MAML2: variants seen among roughly 807,000 people sequenced by gnomAD.
MAML2 encodes the protein mastermind like transcriptional coactivator 2.
In MAML2, 22 loss-of-function variants were observed where a neutral mutation model predicts 96.1. The observed-to-expected ratio is 0.23, with a 90% CI of 0.16 to 0.33. MAML2 has a LOEUF of 0.33. Ranked by LOEUF, MAML2 falls within the 10% of genes least tolerant of loss-of-function variation. The pLI, the probability that MAML2 is intolerant of heterozygous loss-of-function variation, is 1.00. For synonymous variants in MAML2, 561 were observed against 521.3 expected (o/e 1.08, Z -1.04); for missense variants, 1,367 against 1,392.4 (o/e 0.98, Z 0.29).
chr11:96,003,035 A>C (rs1211367132), intron 2 of MAML2, among the ~76,000 whole-genome samples: 1 of 147,376 alleles, frequency 6.8e-6, no homozygotes, highest in African/African-American at 2.5e-5. Context: ...GATGGGGATG[A>C]GGAGGATGAT....
chr11:96,339,690 T>C (rs1863966523), intron 1 of MAML2, among the ~76,000 whole-genome samples: 2 of 152,176 alleles, frequency 1.3e-5, no homozygotes, highest in African/African-American at 4.8e-5. Flanking sequence ...GCAGACAGAT[T>C]ATAAATTTAC....
chr11:96,227,799 G>C (rs909460968), intron 1 of MAML2, among the ~76,000 whole-genome samples: 1 of 152,160 alleles, frequency 6.6e-6, no homozygotes, highest in East Asian at 1.9e-4. Flanking sequence ...TGTCGCCATC[G>C]AATGAAATCA....
At chr11:96,234,848 T>C (rs1412697266) in intron 1 of MAML2, among the ~76,000 whole-genome samples, 1 of 152,218 alleles carries the variant, frequency 6.6e-6, no homozygotes, top group Admixed American at 6.5e-5. Flanking sequence ...GATACGTACT[T>C]AAATTTTTTA....
At chr11:96,231,618 C>T (rs948047793) in intron 1 of MAML2, among the ~76,000 whole-genome samples, 11 of 152,054 alleles carry the variant, frequency 7.2e-5, no homozygotes, top group Non-Finnish European at 1.3e-4. Flanking sequence ...TGGAAACTGC[C>T]GACTATATTT....
chr11:96,267,301 T>G (rs754421829), intron 1 of MAML2, among the ~76,000 whole-genome samples: 19 of 152,230 alleles, frequency 1.2e-4, no homozygotes, highest in Non-Finnish European at 2.8e-4. Context: ...TCCCACATAT[T>G]AAGACTGTGA....
intron 1 of MAML2, among the ~76,000 whole-genome samples, chr11:96,228,823 T>G (rs2135953083): frequency 6.6e-6 from 1 of 152,346 alleles, no homozygotes; most frequent in East Asian, 1.9e-4. Flanking sequence ...CTAGACTTCA[T>G]AAGCAATTTT....
chr11:96,171,716 G>A lies in MAML2; in HGVS notation c.514-78199C>T, dbSNP rs1394367941. Among the ~76,000 whole-genome samples the A allele has an allele frequency of 2.0e-5, 3 of 152,212 alleles. No homozygotes were observed. In the East Asian group the frequency reaches 5.8e-4, roughly 29 times the overall value. On this transcript the variant is annotated intron_variant, in intron 1 of 4. Coordinates refer to ENST00000524717, the MANE Select transcript of MAML2 (RefSeq NM_032427.4). ...GCCAAATCAGAGCTGGAGACAGGGTGATAGTAGAAACCAAATAATGAATGG... is the reference window on the plus strand; with the variant it reads ...GCCAAATCAGAGCTGGAGACAGGGTAATAGTAGAAACCAAATAATGAATGG...
chr11:96,243,557 G>A (rs1393846055), intron 1 of MAML2, among the ~76,000 whole-genome samples: 2 of 152,184 alleles, frequency 1.3e-5, no homozygotes, highest in East Asian at 1.9e-4. Context: ...TTCTCATCAG[G>A]CTTAGACTGT....
At chr11:96,088,151 A>G (rs1859648335) in intron 2 of MAML2, among the ~76,000 whole-genome samples, 1 of 152,180 alleles carries the variant, frequency 6.6e-6, no homozygotes, top group Non-Finnish European at 1.5e-5. Flanking sequence ...TTGGCTAGGA[A>G]GAGAGAGTAG....
Position 96,312,607 on chromosome 11 carries a change from G to A in MAML2, c.513+28776C>T, listed in dbSNP as rs186820193. Among the ~76,000 whole-genome samples, 4 of 152,252 alleles carry A rather than the reference G, an allele frequency of 2.6e-5. No homozygotes were observed. The East Asian group carries it at 7.7e-4, about 29-fold the overall frequency. On this transcript the variant is annotated intron_variant, in intron 1 of 4. Coordinates refer to ENST00000524717, the MANE Select transcript of MAML2 (RefSeq NM_032427.4). Reference sequence around the variant, plus strand: ...ATATGCTAAACTGAATTTCCCTCTAGGAAGTATGAGGCAGAGCACAGAAAG... The same window carrying A: ...ATATGCTAAACTGAATTTCCCTCTAAGAAGTATGAGGCAGAGCACAGAAAG...
intron 1 of MAML2, among the ~76,000 whole-genome samples, chr11:96,319,329 C>G (rs768423196): frequency 7.2e-5 from 11 of 152,172 alleles, no homozygotes; most frequent in Non-Finnish European, 1.3e-4. Context: ...TAGTACCACC[C>G]AACTAAGCAG....
intron 1 of MAML2, among the ~76,000 whole-genome samples, chr11:96,207,260 T>C (rs1019042172): frequency 5.3e-5 from 8 of 152,216 alleles, no homozygotes; most frequent in African/African-American, 1.7e-4. Context: ...ATTTTAATTA[T>C]TCACTGGCCC....
At chr11:96,115,331 G>A (rs1860215885) in intron 1 of MAML2, among the ~76,000 whole-genome samples, 1 of 151,766 alleles carries the variant, frequency 6.6e-6, no homozygotes, top group African/African-American at 2.4e-5. Flanking sequence ...GCTTGGCTAT[G>A]TATTTATTTA....
chr11:96,191,033 G>A (rs899788466), intron 1 of MAML2, among the ~76,000 whole-genome samples: 4 of 152,154 alleles, frequency 2.6e-5, no homozygotes, highest in Non-Finnish European at 5.9e-5. Flanking sequence ...CTTTTAGAAG[G>A]AGGATTGCCA....
chr11:96,214,419 C>A (rs1421974858), intron 1 of MAML2, among the ~76,000 whole-genome samples: 1 of 152,182 alleles, frequency 6.6e-6, no homozygotes, highest in African/African-American at 2.4e-5. Flanking sequence ...AGAACACCAA[C>A]TTTTGGGGGT....
chr11:96,230,772 A>AAC (rs1191668456), intron 1 of MAML2, among the ~76,000 whole-genome samples: 4 of 152,206 alleles, frequency 2.6e-5, no homozygotes, highest in Non-Finnish European at 4.4e-5. Flanking sequence ...GAACAATACG[A>AAC]AGCCTAATGT....
chr11:96,166,177 TCACACACA>T (rs1555018442), intron 1 of MAML2, among the ~76,000 whole-genome samples: 2 of 110,330 alleles, frequency 1.8e-5, no homozygotes, highest in African/African-American at 3.5e-5. Context: ...TCTCTCTCTC[TCACACACA>T]CACACACACA....
chr11:96,204,828 T>C (rs1861874304), intron 1 of MAML2, among the ~76,000 whole-genome samples: 1 of 152,234 alleles, frequency 6.6e-6, no homozygotes, highest in African/African-American at 2.4e-5. Flanking sequence ...ATGTTTTCGA[T>C]GTAATTTTAG....
At chr11:95,984,315 T>C (rs1857790910) in intron 4 of MAML2, among the ~76,000 whole-genome samples, 1 of 152,192 alleles carries the variant, frequency 6.6e-6, no homozygotes, top group Admixed American at 6.5e-5. Flanking sequence ...TCTCAGAACA[T>C]ACCCCCAACA....
Sources: allele counts gnomAD v4.1 joint callset (sites outside exome capture counted in the v4.1 genomes callset), GRCh38; gene constraint gnomAD v4.1.1; transcripts MANE v1.5; gene names NCBI Gene and HGNC (gene_info 2026-07-23, HGNC 2026-07-21).